Variants in OPA3 observed in about 807,000 individuals in gnomAD.
OPA3 encodes the protein outer mitochondrial membrane lipid metabolism regulator OPA3, also known as optic atrophy 3 protein.
OPA3 carries 6 observed loss-of-function variants against 4.0 expected under a neutral mutation model. The ratio of observed to expected loss-of-function variants is 1.51; its 90% CI spans 0.83 to 2.99. The LOEUF (loss-of-function observed/expected upper bound fraction) is 2.99. Ranked by LOEUF, OPA3 falls within the 30% of genes most tolerant of loss-of-function variation. The pLI, the probability that OPA3 is intolerant of heterozygous loss-of-function variation, is 0.00. For synonymous variants in OPA3, 105 were observed against 117.1 expected (o/e 0.90, Z 0.67); for missense variants, 235 against 256.2 (o/e 0.92, Z 0.56).
rs894215871 is a variant in OPA3 at position 45,570,887 on chromosome 19, CCAGACTCT to C, written c.142+13728_142+13735del. 1.3e-4 allele frequency among the ~76,000 whole-genome samples: 19 copies of C among 143,274 alleles called. No homozygotes were observed. The Middle Eastern group carries it at 0.025, about 189-fold the overall frequency. 94.0% of individuals were successfully genotyped at this position (143,274 alleles called of 152,430 possible). ...CAAAAAAAAAAAAAAAAATTCAAAG[CCAGACTCT>C]CACAGAGGGTTTCACCAAGAGTTTC... On this transcript the variant is annotated intron_variant, in intron 1 of 1. Coordinates refer to ENST00000263275, the MANE Select transcript of OPA3 (RefSeq NM_025136.4).
chr19:45,530,758 C>CTTTA lies in OPA3; in HGVS notation c.143-1306_143-1303dup, dbSNP rs566460608. 2.4e-3 allele frequency among the ~76,000 whole-genome samples: 359 copies of CTTTA among 151,334 alleles called. 2 individuals carry two copies. The highest frequency in any genetic ancestry group is 4.5e-3 in the Non-Finnish European group (307 of 67,808). On this transcript the variant is annotated intron_variant, in intron 1 of 1. Transcript: ENST00000323060. ...ACAAGCATGAGCCACCATGCCCAGC[C>CTTTA]TTTATTTATTTATTTATTTTCGAGA...
downstream of OPA3, among the ~76,000 whole-genome samples, chr19:45,543,078 C>T (rs1015802792): frequency 6.0e-5 from 9 of 151,188 alleles, no homozygotes; most frequent in East Asian, 1.9e-4. Flanking sequence ...GGCATGATCT[C>T]GGCTCACTGC....
At chr19:45,583,677 T>A (rs946409472) in intron 1 of OPA3, among the ~76,000 whole-genome samples, 1 of 151,946 alleles carries the variant, frequency 6.6e-6, no homozygotes, top group Non-Finnish European at 1.5e-5. Context: ...AATTTTTGTA[T>A]TTTTAGTACA....
downstream of OPA3, among the ~76,000 whole-genome samples, chr19:45,542,298 G>A (rs1248990465): frequency 2.0e-5 from 3 of 152,126 alleles, no homozygotes; most frequent in Non-Finnish European, 2.9e-5. Context: ...ACCTGTTCCC[G>A]GCTAGTACAG....
chr19:45,527,482 C>T (rs1420818076), exon 2 of OPA3: 2 of 147,226 alleles, frequency 1.4e-5, no homozygotes, highest in African/African-American at 5.0e-5. Flanking sequence ...GATCACAGCT[C>T]ACTGCAGCCT....
At position 45,552,117 on chromosome 19, in the gene OPA3, T is replaced by C. The variant is rs904141925; in HGVS notation, c.*1397A>G. On this transcript the variant is annotated 3_prime_UTR_variant, in exon 2 of 2. Coordinates refer to ENST00000263275, the MANE Select transcript of OPA3 (RefSeq NM_025136.4). ...AGTGCCATTCCAGTGGGTTGTGCCATAGACTCAAGGATGAGGGGGTTCTGT... is the reference window on the plus strand; with the variant it reads ...AGTGCCATTCCAGTGGGTTGTGCCACAGACTCAAGGATGAGGGGGTTCTGT... 1.9e-5 allele frequency: 19 copies of C among 985,268 alleles called. No individual in the cohort carries two copies. The highest frequency in any genetic ancestry group is 4.7e-5 in the South Asian group (1 of 21,290). The allele number at this position is 985,268 out of a possible 1,614,324, so 61.0% of individuals were successfully genotyped here.
intron 1 of OPA3, among the ~76,000 whole-genome samples, chr19:45,532,468 AC>A: frequency 6.6e-6 from 1 of 151,874 alleles, no homozygotes; most frequent in East Asian, 1.9e-4. Context: ...GGTCTTGGTG[AC>A]CCCCTAAATG....
chr19:45,545,164 C>CAAAAAAAAAAAAAAAAAAAAAAAAA (rs779193252), downstream of OPA3, among the ~76,000 whole-genome samples: 1 of 40,812 alleles, frequency 2.5e-5, no homozygotes, highest in African/African-American at 7.1e-5. Flanking sequence ...GACACCGTCT[C>CAAAAAAAAAAAAAAAAAAAAAAAAA]AAAAAAAAAA....
chr19:45,560,983 C>A (rs1173663613), intron 1 of OPA3, among the ~76,000 whole-genome samples: 2 of 152,188 alleles, frequency 1.3e-5, no homozygotes, highest in Non-Finnish European at 2.9e-5. Flanking sequence ...AGGAAATGTG[C>A]TGCTAAGACC....
chr19:45,580,908 G>A (rs190719690), intron 1 of OPA3, among the ~76,000 whole-genome samples: 104 of 152,190 alleles, frequency 6.8e-4, no homozygotes, highest in African/African-American at 2.4e-3. Context: ...GAGCCACTGC[G>A]CCCAGCTCCA....
chr19:45,539,979 AT>A (rs1222422391), intron 1 of OPA3, among the ~76,000 whole-genome samples: 6 of 152,184 alleles, frequency 3.9e-5, no homozygotes, highest in Admixed American at 6.6e-5. Flanking sequence ...AGATGGTTGC[AT>A]AACCATGTCA....
At chr19:45,528,283 T>TG (rs1302083870) in exon 2 of OPA3, 1 of 152,316 alleles carries the variant, frequency 6.6e-6, no homozygotes, top group African/African-American at 2.4e-5. Flanking sequence ...GACCACAGAA[T>TG]GCCGGGCTGG....
Position 45,584,619 on chromosome 19 carries a change from T to C in OPA3, c.142+4A>G, listed in dbSNP as rs765495449. 10 of 1,614,074 alleles carry C rather than the reference T, an allele frequency of 6.2e-6. No individual in the cohort carries two copies. The highest frequency in any genetic ancestry group is 5.1e-6 in the Non-Finnish European group (6 of 1,180,032). On this transcript the variant is annotated splice_donor_region_variant and intron_variant, in intron 1 of 1. Transcript: ENST00000263275. The stretch of plus-strand genomic sequence containing the variant: ...AGGTTGGAGGGAATTCGGGTCAGAC[T>C]CACGTTGAGCCGGCGGGAGGCAGAT...
intron 1 of OPA3, among the ~76,000 whole-genome samples, chr19:45,530,532 C>T (rs1042378466): frequency 1.5e-4 from 22 of 151,018 alleles, no homozygotes; most frequent in Non-Finnish European, 8.9e-5. Flanking sequence ...TTTATTGAGA[C>T]GGGGTCTTGC....
At chr19:45,571,372 C>A (rs1459277063) in intron 1 of OPA3, among the ~76,000 whole-genome samples, 1 of 152,052 alleles carries the variant, frequency 6.6e-6, no homozygotes, top group Non-Finnish European at 1.5e-5. Context: ...GTCTTGAACT[C>A]CCCGCCTCAG....
chr19:45,557,821 T>G (rs1214130309), intron 1 of OPA3, among the ~76,000 whole-genome samples: 1 of 152,186 alleles, frequency 6.6e-6, no homozygotes, highest in African/African-American at 2.4e-5. Flanking sequence ...CTCCCCACTG[T>G]CCTGTAAGCC....
rs151030695 is a variant in OPA3, at chr19:45,547,120, C to T, written c.*6394G>A. 0.022 allele frequency: 3,304 copies of T among 152,298 alleles called. 59 individuals carry two copies. The highest frequency in any genetic ancestry group is 0.031 in the Non-Finnish European group (2,079 of 68,114). 9.4% of individuals were successfully genotyped at this position (152,298 alleles called of 1,614,324 possible). A position where few individuals can be genotyped will look rare whatever the true frequency, so the allele number is the denominator to read the frequency against. The stretch of plus-strand genomic sequence containing the variant: ...GACTCCACAGAGGGGGAAGCTGAAG[C>T]CAGATGTGGTGGAAGCAGAGGCCTG... On this transcript the variant is annotated 3_prime_UTR_variant, in exon 2 of 2. Transcript: ENST00000263275.
intron 1 of OPA3, among the ~76,000 whole-genome samples, chr19:45,532,599 C>A (rs1483854846): frequency 6.6e-6 from 1 of 152,066 alleles, no homozygotes; most frequent in Non-Finnish European, 1.5e-5. Flanking sequence ...TCCATTGCTC[C>A]TTTTTGTTAC....
At chr19:45,540,811 AAC>A (rs1779587189) in intron 1 of OPA3, among the ~76,000 whole-genome samples, 1 of 151,706 alleles carries the variant, frequency 6.6e-6, no homozygotes, top group Non-Finnish European at 1.5e-5. Context: ...TCAAAAAAAA[AAC>A]AAGCAAAAAA....
Sources: allele counts gnomAD v4.1 joint callset (sites outside exome capture counted in the v4.1 genomes callset), GRCh38; gene constraint gnomAD v4.1.1; transcripts MANE v1.5; gene names NCBI Gene and HGNC (gene_info 2026-07-23, HGNC 2026-07-21).